Variants in MPZL1 observed in about 807,000 individuals in gnomAD.
The protein encoded by MPZL1 is myelin protein zero like 1, also known as myelin protein zero-like protein 1.
Under a neutral mutation model 29.3 loss-of-function variants are expected in MPZL1, and 16 were observed. The observed-to-expected ratio is 0.55, with a 90% CI of 0.37 to 0.83. MPZL1 has a LOEUF of 0.83. Among genes scored for constraint, MPZL1 ranks in the 40% least tolerant of loss-of-function variants. MPZL1 has a pLI of 0.00. For missense variants in MPZL1, 279 were observed against 332.9 expected (o/e 0.84, Z 1.26); for synonymous variants, 143 against 132.0 (o/e 1.08, Z -0.57).
At chr1:167,781,076 A>ATTTAATAATATAAATAGAG (rs1210672407) in intron 5 of MPZL1, among the ~76,000 whole-genome samples, 4 of 152,192 alleles carry the variant, frequency 2.6e-5, no homozygotes, top group African/African-American at 9.6e-5. Flanking sequence ...AAATATTTAT[A>ATTTAATAATATAAATAGAG]CTTCTAATAA....
At chr1:167,730,191 A>G (rs1660232956) in intron 1 of MPZL1, among the ~76,000 whole-genome samples, 2 of 152,084 alleles carry the variant, frequency 1.3e-5, no homozygotes, top group African/African-American at 2.4e-5. Flanking sequence ...AGCCATCCTC[A>G]CCAATCATGC....
chr1:167,731,270 A>G (rs1166011287), intron 1 of MPZL1, among the ~76,000 whole-genome samples: 4 of 151,992 alleles, frequency 2.6e-5, no homozygotes, highest in Non-Finnish European at 5.9e-5. Flanking sequence ...CCCCATCTCT[A>G]CTAATAATGG....
chr1:167,765,289 C>CCTGAAA (rs1171477706), intron 1 of MPZL1: 2 of 166,236 alleles, frequency 1.2e-5, no homozygotes, highest in Non-Finnish European at 2.6e-5. Context: ...TTTCTGTAAA[C>CCTGAAA]CTGAAACTGC....
intron 3 of MPZL1, 111 bp downstream of exon 3, chr1:167,772,599 A>G (rs999043364): frequency 6.2e-5 from 60 of 968,026 alleles, no homozygotes; most frequent in Admixed American, 2.0e-4. Flanking sequence ...TTTTTGCCAT[A>G]CAGTTGTGCT....
intron 5 of MPZL1, among the ~76,000 whole-genome samples, chr1:167,776,808 C>CAGTTTG (rs748922883): frequency 7.9e-5 from 12 of 152,140 alleles, no homozygotes; most frequent in Non-Finnish European, 1.5e-4. Context: ...TAGCTTAGTT[C>CAGTTTG]AGTTTGATTT....
chr1:167,768,833 C>T (rs1239484342), intron 2 of MPZL1, among the ~76,000 whole-genome samples: 1 of 152,170 alleles, frequency 6.6e-6, no homozygotes, highest in Non-Finnish European at 1.5e-5. Context: ...TAGCTCATCC[C>T]CGCTGGTTCA....
chr1:167,771,984 G>A (rs1390183334), intron 2 of MPZL1, among the ~76,000 whole-genome samples: 2 of 152,020 alleles, frequency 1.3e-5, no homozygotes, highest in East Asian at 1.9e-4. Flanking sequence ...CCAGTCAGGC[G>A]TGGCCGCACG....
chr1:167,767,739 T>C (rs1263642560), intron 2 of MPZL1, among the ~76,000 whole-genome samples: 3 of 150,266 alleles, frequency 2.0e-5, no homozygotes, highest in African/African-American at 7.3e-5. Context: ...GGCCTTGGGA[T>C]CCACATGTCT....
intron 1 of MPZL1, among the ~76,000 whole-genome samples, chr1:167,743,531 G>A (rs7514471): frequency 0.74 from 111,705 of 150,902 alleles, 41,787 homozygotes; most frequent in African/African-American, 0.84. Flanking sequence ...CTTCCTATCC[G>A]TGAGCATGGG....
chr1:167,779,296 G>A (rs111299075), intron 5 of MPZL1, among the ~76,000 whole-genome samples: 2,737 of 152,168 alleles, frequency 0.018, 87 homozygotes, highest in African/African-American at 0.061. Context: ...AAGCAATAGC[G>A]AAAATTGCTG....
chr1:167,744,866 C>T (rs902222206), intron 1 of MPZL1, among the ~76,000 whole-genome samples: 2 of 152,132 alleles, frequency 1.3e-5, no homozygotes, highest in Non-Finnish European at 2.9e-5. Flanking sequence ...TGTTTACTGT[C>T]ATCAGTTTAA....
chr1:167,772,232 T>C, intron 2 of MPZL1, 43 bp from the exon 3 acceptor site: 1 of 1,495,768 alleles, frequency 6.7e-7, no homozygotes, highest in South Asian at 1.2e-5. Flanking sequence ...TTAGGAATTC[T>C]GCCTTTGAGA....
intron 1 of MPZL1, among the ~76,000 whole-genome samples, chr1:167,739,286 T>C (rs1252957964): frequency 1.0e-4 from 11 of 108,274 alleles, no homozygotes; most frequent in African/African-American, 3.8e-4. Context: ...TATATACATA[T>C]ATATATATAT....
chr1:167,747,744 C>G (rs1360130374), intron 1 of MPZL1, among the ~76,000 whole-genome samples: 1 of 150,954 alleles, frequency 6.6e-6, no homozygotes, highest in African/African-American at 2.4e-5. Flanking sequence ...TTTTTTTTAA[C>G]AGAAGTTTTA....
At chr1:167,753,019 T>C (rs953472694) in intron 1 of MPZL1, among the ~76,000 whole-genome samples, 4 of 152,186 alleles carry the variant, frequency 2.6e-5, no homozygotes, top group Non-Finnish European at 4.4e-5. Flanking sequence ...TGAAGTTAAT[T>C]GCAAGGGAGA....
intron 5 of MPZL1, among the ~76,000 whole-genome samples, chr1:167,782,786 C>A (rs193285266): frequency 6.6e-6 from 1 of 152,002 alleles, no homozygotes; most frequent in Admixed American, 6.6e-5. Context: ...GGGTAAGCAT[C>A]GGGGAGAGAC....
chr1:167,749,845 G>A (rs1660720453), intron 1 of MPZL1, among the ~76,000 whole-genome samples: 1 of 152,112 alleles, frequency 6.6e-6, no homozygotes, highest in Non-Finnish European at 1.5e-5. Flanking sequence ...TACTACTGGA[G>A]GCAAGCTGCA....
intron 5 of MPZL1, chr1:167,787,312 G>C (rs568322772): frequency 5.2e-5 from 8 of 152,640 alleles, no homozygotes; most frequent in African/African-American, 1.9e-4. Flanking sequence ...TAAACTATTT[G>C]TTTAAAACTA....
chr1:167,730,070 T>C (rs1233336985), intron 1 of MPZL1, among the ~76,000 whole-genome samples: 1 of 152,126 alleles, frequency 6.6e-6, no homozygotes, highest in Non-Finnish European at 1.5e-5. Context: ...GAGTGGCTTT[T>C]TAGCTGTCCT....
Sources: gnomAD v4.1 joint callset for allele counts (sites outside exome capture counted in the v4.1 genomes callset) on GRCh38, gnomAD v4.1.1 for gene constraint, MANE v1.5 for transcripts, NCBI Gene and HGNC (gene_info 2026-07-23, HGNC 2026-07-21) for gene names.